The following ABCB1 variants were observed in gnomAD, a reference collection of about 807,000 sequenced individuals.
The protein encoded by ABCB1 is ATP binding cassette subfamily B member 1, also known as ATP-dependent translocase ABCB1.
Under a neutral mutation model 142.0 loss-of-function variants are expected in ABCB1, and 69 were observed. That is an observed-to-expected ratio of 0.49 (90% confidence interval 0.40 to 0.59). The LOEUF (loss-of-function observed/expected upper bound fraction) is 0.59, where lower values mean the gene tolerates loss of function less well. Ranked by LOEUF, ABCB1 falls within the 20% of genes least tolerant of loss-of-function variation. The pLI is 0.00. For missense variants in ABCB1, 1,326 were observed against 1,554.7 expected (o/e 0.85, Z 2.47); for synonymous variants, 532 against 539.2 (o/e 0.99, Z 0.18).
At chr7:87,620,153 C>CA (rs1820173720) in intron 1 of ABCB1, among the ~76,000 whole-genome samples, 1 of 151,032 alleles carries the variant, frequency 6.6e-6, no homozygotes, top group Non-Finnish European at 1.5e-5. Flanking sequence ...TTTTTCTTTT[C>CA]TTTTTTTTTC....
chr7:87,506,291 G>T, intron 26 of ABCB1: 1 of 492,420 alleles, frequency 2.0e-6, no homozygotes, highest in South Asian at 2.8e-5. Flanking sequence ...GCATTTTAAT[G>T]AAGAAGAATA....
chr7:87,661,379 G>A (rs1375931705), intron 1 of ABCB1, among the ~76,000 whole-genome samples: 1 of 150,122 alleles, frequency 6.7e-6, no homozygotes, highest in Non-Finnish European at 1.5e-5. Flanking sequence ...CTACATTTTT[G>A]TACCCATTAA....
chr7:87,536,285 T>G (rs1220118559), intron 20 of ABCB1, among the ~76,000 whole-genome samples, 173 bp downstream of exon 20: 2 of 152,248 alleles, frequency 1.3e-5, no homozygotes, highest in East Asian at 3.8e-4. Flanking sequence ...CAGTATATAA[T>G]GTTTAAATAG....
intron 1 of ABCB1, among the ~76,000 whole-genome samples, chr7:87,674,323 A>G (rs988046884): frequency 6.6e-6 from 1 of 152,014 alleles, no homozygotes; most frequent in Non-Finnish European, 1.5e-5. Flanking sequence ...GCATCCATGC[A>G]TGCTCTCTTG....
At chr7:87,612,260 GT>G (rs1819880070) in intron 1 of ABCB1, among the ~76,000 whole-genome samples, 1 of 152,068 alleles carries the variant, frequency 6.6e-6, no homozygotes, top group Admixed American at 6.6e-5. Context: ...AAGCTTTTTA[GT>G]TTAATTAGGT....
Position 87,550,745 on chromosome 7 carries a change from T to A in ABCB1, c.1093A>T (p.Ile365Phe). The A allele has an allele frequency of 6.2e-7, 1 of 1,613,202 alleles. No individual in the cohort carries two copies. The highest frequency in any genetic ancestry group is 8.5e-7 in the Non-Finnish European group (1 of 1,179,142). The part of the protein sequence containing the change: ...FANARGAAYE[I>F]FKIIDNKPSI... ...CTTACATTATCAATTATCTTGAAGATTTCATAAGCTGCTCCTCTTGCATTT... is the reference window on the plus strand; with the variant it reads ...CTTACATTATCAATTATCTTGAAGAATTCATAAGCTGCTCCTCTTGCATTT... Residue 365 changes from isoleucine (I) to phenylalanine (F), a missense_variant, in exon 10 of 28, where the codon ATC becomes TTC. Coordinates refer to ENST00000622132, the MANE Select transcript of ABCB1 (RefSeq NM_001348946.2).
chr7:87,660,163 T>A (rs1391520253), intron 1 of ABCB1, among the ~76,000 whole-genome samples: 1 of 152,108 alleles, frequency 6.6e-6, no homozygotes, highest in Non-Finnish European at 1.5e-5. Flanking sequence ...GAATTTTGCG[T>A]AAGTTTGGAA....
intron 9 of ABCB1, among the ~76,000 whole-genome samples, chr7:87,553,257 A>G (rs1275138792): frequency 6.6e-6 from 1 of 152,134 alleles, no homozygotes; most frequent in Non-Finnish European, 1.5e-5. Context: ...AGATATCTGC[A>G]AAAACAAACA....
intron 2 of ABCB1, among the ~76,000 whole-genome samples, chr7:87,597,056 G>C (rs1438423043): frequency 6.6e-6 from 1 of 152,008 alleles, no homozygotes; most frequent in South Asian, 2.1e-4. Flanking sequence ...ACACATTTTT[G>C]TTCTTTTAGA....
At chr7:87,623,513 G>A (rs1041824735) in intron 1 of ABCB1, among the ~76,000 whole-genome samples, 5 of 152,132 alleles carry the variant, frequency 3.3e-5, no homozygotes, top group African/African-American at 1.2e-4. Flanking sequence ...AGCACGCTTC[G>A]CGCTTCCTGG....
intron 17 of ABCB1, among the ~76,000 whole-genome samples, chr7:87,541,836 T>C (rs4148737): frequency 0.42 from 64,537 of 152,018 alleles, 13,807 homozygotes; most frequent in African/African-American, 0.45. Context: ...TCCCAAGGTG[T>C]CTGGGGAAAA....
At chr7:87,658,193 G>T (rs1824313707) in intron 1 of ABCB1, among the ~76,000 whole-genome samples, 1 of 152,080 alleles carries the variant, frequency 6.6e-6, no homozygotes, top group African/African-American at 2.4e-5. Context: ...CCACAGCAAA[G>T]AAATGGAAGA....
Position 87,595,807 on chromosome 7 carries a change from C to CT in ABCB1, c.75dup (p.Asp26ArgfsTer2). 1 of 1,610,554 alleles carries CT rather than the reference C, an allele frequency of 6.2e-7. No individual in the cohort carries two copies. Reference sequence around the variant, plus strand: ...ACAGTTGGTTTCTTTTCCTTCTTATCTTTTTCACTGCAAAACAGCAATGGA... The same window carrying CT: ...ACAGTTGGTTTCTTTTCCTTCTTATCTTTTTTCACTGCAAAACAGCAATGGA... On this transcript the variant is annotated frameshift_variant, in exon 3 of 28. Transcript: ENST00000622132. LOFTEE classifies it high-confidence loss of function.
chr7:87,587,372 A>G (rs750988953), intron 3 of ABCB1, among the ~76,000 whole-genome samples: 1 of 152,244 alleles, frequency 6.6e-6, no homozygotes, highest in Non-Finnish European at 1.5e-5. Flanking sequence ...TGCCTATTCA[A>G]TGACAGATAA....
intron 1 of ABCB1, among the ~76,000 whole-genome samples, chr7:87,600,429 C>T (rs1819402536): frequency 2.0e-5 from 3 of 152,192 alleles, no homozygotes; most frequent in Admixed American, 1.3e-4. Context: ...TTGCCCGCCG[C>T]CAGTGCGATT....
At chr7:87,523,730 G>A (rs911921116) in intron 21 of ABCB1, among the ~76,000 whole-genome samples, 11 of 152,164 alleles carry the variant, frequency 7.2e-5, no homozygotes, top group Non-Finnish European at 1.5e-4. Context: ...TCTGAGTAAA[G>A]GGATATGGAA....
At chr7:87,693,992 G>A (rs766387998) in intron 1 of ABCB1, 1 of 1,610,476 alleles carries the variant, frequency 6.2e-7, no homozygotes, top group South Asian at 1.1e-5. Flanking sequence ...CCGCCACTGA[G>A]CTGCACGGGA....
At chr7:87,523,327 T>C (rs1459237252) in intron 21 of ABCB1, among the ~76,000 whole-genome samples, 1 of 152,158 alleles carries the variant, frequency 6.6e-6, no homozygotes, top group Non-Finnish European at 1.5e-5. Flanking sequence ...ACTATCAATC[T>C]GTTTTCCAGA....
At chr7:87,549,798 C>A in intron 13 of ABCB1, 53 bp downstream of exon 13, 3 of 1,576,572 alleles carry the variant, frequency 1.9e-6, no homozygotes, top group Non-Finnish European at 2.6e-6. Context: ...GCATAGTAGG[C>A]CTGCATTTTA....
Sources: allele counts gnomAD v4.1 joint callset (sites outside exome capture counted in the v4.1 genomes callset), GRCh38; gene constraint gnomAD v4.1.1; transcripts MANE v1.5; gene names NCBI Gene and HGNC (gene_info 2026-07-23, HGNC 2026-07-21).